RBFOX1: variants seen among roughly 807,000 people sequenced by gnomAD.
RBFOX1 encodes the protein RNA binding protein fox-1 homolog 1.
RBFOX1 carries 8 observed loss-of-function variants against 57.7 expected under a neutral mutation model. The ratio of observed to expected loss-of-function variants is 0.14; its 90% CI spans 0.08 to 0.25. The LOEUF (loss-of-function observed/expected upper bound fraction) is 0.25. RBFOX1 is among the 10% of genes least tolerant of loss of function. The probability of loss-of-function intolerance (pLI) is 1.00; values close to 1 mark genes in which losing one functional copy is unlikely to be tolerated. For missense variants in RBFOX1, 611 were observed against 548.5 expected (o/e 1.11, Z -1.14); for synonymous variants, 326 against 222.4 (o/e 1.47, Z -4.15).
At chr16:6,800,838 A>C (rs180744234) in intron 3 of RBFOX1, among the ~76,000 whole-genome samples, 1 of 152,234 alleles carries the variant, frequency 6.6e-6, no homozygotes, top group African/African-American at 2.4e-5. Flanking sequence ...TACAAAATGG[A>C]AGGATTTTTC....
intron 1 of RBFOX1, among the ~76,000 whole-genome samples, chr16:5,445,079 G>A (rs1221333687): frequency 2.6e-5 from 4 of 152,126 alleles, no homozygotes; most frequent in African/African-American, 9.7e-5. Context: ...AGACTCCTCT[G>A]GGTTACTCTG....
intron 3 of RBFOX1, among the ~76,000 whole-genome samples, chr16:7,005,971 A>G (rs558183554): frequency 6.6e-6 from 1 of 152,286 alleles, no homozygotes; most frequent in South Asian, 2.1e-4. Flanking sequence ...CCTACTCAGG[A>G]TCACGTAACA....
intron 4 of RBFOX1, among the ~76,000 whole-genome samples, chr16:7,117,637 G>A (rs1233864022): frequency 6.6e-6 from 1 of 152,218 alleles, no homozygotes; most frequent in African/African-American, 2.4e-5. Context: ...AATCAGGTTA[G>A]GTTTTTACGC....
At chr16:5,257,341 C>T (rs2062613652) in intron 1 of RBFOX1, among the ~76,000 whole-genome samples, 1 of 152,148 alleles carries the variant, frequency 6.6e-6, no homozygotes, top group Non-Finnish European at 1.5e-5. Context: ...CAGGTTTTGC[C>T]AGTTACATGC....
intron 4 of RBFOX1, among the ~76,000 whole-genome samples, chr16:7,097,866 G>T (rs911771836): frequency 6.6e-6 from 1 of 152,178 alleles, no homozygotes; most frequent in African/African-American, 2.4e-5. Context: ...AGAAGGGGTT[G>T]GGGAATCCTT....
At chr16:5,616,487 A>C (rs961305187) in intron 3 of RBFOX1, among the ~76,000 whole-genome samples, 1 of 151,862 alleles carries the variant, frequency 6.6e-6, no homozygotes, top group South Asian at 2.1e-4. Flanking sequence ...TTCCCACTGA[A>C]CTGCTGCCAC....
intron 3 of RBFOX1, among the ~76,000 whole-genome samples, chr16:7,024,699 C>G (rs916563225): frequency 6.6e-6 from 1 of 152,162 alleles, no homozygotes; most frequent in Non-Finnish European, 1.5e-5. Context: ...GCCCCAGGCA[C>G]AAATTCCTCA....
intron 3 of RBFOX1, among the ~76,000 whole-genome samples, chr16:5,679,203 A>G (rs1027910949): frequency 6.6e-6 from 1 of 152,212 alleles, no homozygotes; most frequent in African/African-American, 2.4e-5. Flanking sequence ...GCAAGGGCGC[A>G]TCTTCATTTA....
chr16:6,184,590 C>T (rs1013322750), intron 1 of RBFOX1, among the ~76,000 whole-genome samples: 18 of 152,106 alleles, frequency 1.2e-4, no homozygotes, highest in African/African-American at 4.1e-4. Flanking sequence ...GACAGAGTCT[C>T]GCTCTTTTGC....
chr16:6,350,147 A>G (rs1388952535), intron 2 of RBFOX1, among the ~76,000 whole-genome samples: 1 of 152,094 alleles, frequency 6.6e-6, no homozygotes, highest in African/African-American at 2.4e-5. Flanking sequence ...TCAGATGAAG[A>G]AATCGTAAAA....
At chr16:6,202,492 C>G (rs937675562) in intron 1 of RBFOX1, among the ~76,000 whole-genome samples, 1 of 152,096 alleles carries the variant, frequency 6.6e-6, no homozygotes, top group Non-Finnish European at 1.5e-5. Context: ...GAACTTAAGA[C>G]AAAGGCTGTT....
At chr16:7,179,025 A>G (rs986373505) in intron 4 of RBFOX1, among the ~76,000 whole-genome samples, 1 of 152,154 alleles carries the variant, frequency 6.6e-6, no homozygotes, top group Admixed American at 6.6e-5. Context: ...TGCAGTAGGA[A>G]GAATAGTTCT....
chr16:6,579,796 G>C (rs991840184), intron 2 of RBFOX1, among the ~76,000 whole-genome samples: 1 of 152,020 alleles, frequency 6.6e-6, no homozygotes, highest in Non-Finnish European at 1.5e-5. Flanking sequence ...ATGTTGCCCA[G>C]GGTGGTCTCA....
intron 2 of RBFOX1, among the ~76,000 whole-genome samples, chr16:6,556,998 T>TATATATAC (rs1475761020): frequency 2.3e-5 from 1 of 42,776 alleles, no homozygotes; most frequent in South Asian, 6.5e-4. Flanking sequence ...TATACATACA[T>TATATATAC]ATATATACAT....
chr16:6,820,109 G>C (rs2091003521), intron 3 of RBFOX1, among the ~76,000 whole-genome samples: 1 of 152,152 alleles, frequency 6.6e-6, no homozygotes, highest in Admixed American at 6.5e-5. Flanking sequence ...TAAGTCTCAT[G>C]AAATCTGATG....
At chr16:6,674,098 C>G (rs897691000) in intron 3 of RBFOX1, among the ~76,000 whole-genome samples, 2 of 152,078 alleles carry the variant, frequency 1.3e-5, no homozygotes, top group African/African-American at 2.4e-5. Context: ...AATAGAAACA[C>G]CATTCAAATT....
chr16:5,304,910 A>T (rs1596465299), intron 1 of RBFOX1, among the ~76,000 whole-genome samples: 1 of 152,214 alleles, frequency 6.6e-6, no homozygotes, highest in South Asian at 2.1e-4. Context: ...GAACCTCTTC[A>T]TGACATTACT....
At chr16:5,630,122 A>G (rs2048459385) in intron 3 of RBFOX1, among the ~76,000 whole-genome samples, 1 of 152,092 alleles carries the variant, frequency 6.6e-6, no homozygotes, top group Non-Finnish European at 1.5e-5. Context: ...AGAGGCACAG[A>G]GGTATGGTGC....
intron 1 of RBFOX1, among the ~76,000 whole-genome samples, chr16:5,268,011 G>A (rs1471477686): frequency 1.8e-4 from 28 of 152,060 alleles, no homozygotes; most frequent in African/African-American, 5.1e-4. Context: ...CCCAGGAGGC[G>A]GAGGTTGCAG....
Sources: gnomAD v4.1 joint callset for allele counts (sites outside exome capture counted in the v4.1 genomes callset) on GRCh38, gnomAD v4.1.1 for gene constraint, MANE v1.5 for transcripts, NCBI Gene and HGNC (gene_info 2026-07-23, HGNC 2026-07-21) for gene names.